ADARB2: variants seen among roughly 807,000 people sequenced by gnomAD.
ADARB2 encodes the protein adenosine deaminase RNA specific B2 (inactive).
ADARB2 carries 25 observed loss-of-function variants against 62.2 expected under a neutral mutation model. That is an observed-to-expected ratio of 0.40 (90% CI 0.29 to 0.56). The LOEUF is 0.56. Among genes scored for constraint, ADARB2 ranks in the 20% least tolerant of loss-of-function variants. ADARB2 has a pLI of 0.43. For synonymous variants in ADARB2, 572 were observed against 500.8 expected (o/e 1.14, Z -1.90); for missense variants, 1,071 against 1,077.4 (o/e 0.99, Z 0.08).
chr10:1,628,244 G>C (rs1263325988), intron 1 of ADARB2, among the ~76,000 whole-genome samples: 1 of 152,210 alleles, frequency 6.6e-6, no homozygotes, highest in South Asian at 2.1e-4. Context: ...AGGAGCGAGG[G>C]GGCCTCATCA....
intron 3 of ADARB2, among the ~76,000 whole-genome samples, chr10:1,273,620 G>A (rs890394312): frequency 6.6e-6 from 1 of 152,202 alleles, no homozygotes; most frequent in East Asian, 1.9e-4. Context: ...GACCTTGCAC[G>A]CTGAGAGCTC....
At chr10:1,687,738 G>A (rs943122096) in intron 1 of ADARB2, among the ~76,000 whole-genome samples, 9 of 152,104 alleles carry the variant, frequency 5.9e-5, no homozygotes, top group South Asian at 2.1e-4. Flanking sequence ...CAGCTCAGCC[G>A]TGAATTGTGA....
At chr10:1,657,491 C>G (rs1042157215) in intron 1 of ADARB2, among the ~76,000 whole-genome samples, 2 of 152,216 alleles carry the variant, frequency 1.3e-5, no homozygotes, top group African/African-American at 2.4e-5. Context: ...TTCCTCCTCT[C>G]TTGGCCTCAG....
chr10:1,684,201 G>A (rs1358472291), intron 1 of ADARB2, among the ~76,000 whole-genome samples: 2 of 152,166 alleles, frequency 1.3e-5, no homozygotes, highest in African/African-American at 4.8e-5. Flanking sequence ...TGAAATCCAT[G>A]ACAGAAAAAC....
chr10:1,465,811 C>T (rs1831247786), intron 1 of ADARB2, among the ~76,000 whole-genome samples: 2 of 152,224 alleles, frequency 1.3e-5, no homozygotes, highest in Admixed American at 6.5e-5. Context: ...TGGTGTGGGG[C>T]CCCCAGAGCT....
intron 1 of ADARB2, among the ~76,000 whole-genome samples, chr10:1,691,651 T>C (rs1007675595): frequency 6.6e-6 from 1 of 152,200 alleles, no homozygotes; most frequent in African/African-American, 2.4e-5. Context: ...CTTTTCCTTT[T>C]CACTGTGGCT....
At chr10:1,638,914 A>G (rs1225546932) in intron 1 of ADARB2, among the ~76,000 whole-genome samples, 1 of 152,216 alleles carries the variant, frequency 6.6e-6, no homozygotes, top group Non-Finnish European at 1.5e-5. Flanking sequence ...CAAGTCACAC[A>G]GGTCTTTTTC....
intron 7 of ADARB2, among the ~76,000 whole-genome samples, chr10:1,204,580 C>A (rs1214965605): frequency 6.6e-6 from 1 of 152,256 alleles, no homozygotes; most frequent in African/African-American, 2.4e-5. Context: ...CCACCTGCAC[C>A]TTCTGTCGCG....
chr10:1,443,719 G>C (rs951385198), intron 1 of ADARB2, among the ~76,000 whole-genome samples: 1 of 152,060 alleles, frequency 6.6e-6, no homozygotes, highest in Non-Finnish European at 1.5e-5. Context: ...AGAATAAAAG[G>C]TTCAAGAGTA....
chr10:1,669,689 G>GAC lies in ADARB2; in HGVS notation c.100+67360_100+67361dup, dbSNP rs1366668893. On this transcript the variant is annotated intron_variant, in intron 1 of 9. Transcript: ENST00000381312. ...ACACAAACACACACAGACACATGCAGACACACACACCCACAGGGAGACACA... is the reference window on the plus strand; with the variant it reads ...ACACAAACACACACAGACACATGCAGACACACACACACCCACAGGGAGACACA... Among the ~76,000 whole-genome samples the GAC allele has an allele frequency of 3.4e-3, 480 of 141,102 alleles. 3 individuals are homozygous for GAC. Among genetic ancestry groups the GAC allele is most frequent in the African/African-American group, 0.012 (453 of 37,646 alleles). The allele number at this position is 141,102 out of a possible 152,430, so 92.6% of individuals were successfully genotyped here. A position where few individuals can be genotyped will look rare whatever the true frequency, so the allele number is the denominator to read the frequency against.
chr10:1,233,636 C>A lies in ADARB2; in HGVS notation c.1513+58G>T, dbSNP rs1165725287. ...GGCTGTGAAAGCCCAGGACAGAGTCCCAGATAGAGGGAGCTGGGGGCTGTT... is the reference window on the plus strand; with the variant it reads ...GGCTGTGAAAGCCCAGGACAGAGTCACAGATAGAGGGAGCTGGGGGCTGTT... On this transcript the variant is annotated intron_variant, in intron 6 of 9. Coordinates refer to ENST00000381312, the MANE Select transcript of ADARB2 (RefSeq NM_018702.4). 3.9e-6 allele frequency: 6 copies of A among 1,545,726 alleles called. No individual in the cohort carries two copies. The South Asian group carries it at 5.0e-5, about 13-fold the overall frequency.
At position 1,383,941 on chromosome 10, in the gene ADARB2, A is replaced by G. The variant is rs181987929; in HGVS notation, c.101-4781T>C. 3.3e-4 allele frequency among the ~76,000 whole-genome samples: 51 copies of G among 152,320 alleles called. 1 individual carries two copies. Among genetic ancestry groups the G allele is most frequent in the South Asian group, 1.0e-3 (5 of 4,814 alleles). ...TCTTCCTTGCCTTTGCCTTTGTTAAATTTTATTGAACCTTCTATGTTTCAT... is the reference window on the plus strand; with the variant it reads ...TCTTCCTTGCCTTTGCCTTTGTTAAGTTTTATTGAACCTTCTATGTTTCAT... On this transcript the variant is annotated intron_variant, in intron 1 of 9. Coordinates refer to ENST00000381312, the MANE Select transcript of ADARB2 (RefSeq NM_018702.4).
chr10:1,255,908 G>GC lies in ADARB2; in HGVS notation c.1193-13610dup, dbSNP rs138250443. Among the ~76,000 whole-genome samples the GC allele has an allele frequency of 0.033, 5,009 of 152,316 alleles. 298 individuals carry two copies. The highest frequency in any genetic ancestry group is 0.11 in the African/African-American group (4,721 of 41,548). On this transcript the variant is annotated intron_variant, in intron 4 of 9. Transcript: ENST00000381312. This position sits in a 1 kb window ranked among gnomAD's most constrained non-coding sequence, Gnocchi z 4.7. The stretch of plus-strand genomic sequence containing the variant: ...CAAGCACATTGACAACCACATGTCA[G>GC]CCCTGGGAGCTAACGGTGTTTACAT...
intron 3 of ADARB2, among the ~76,000 whole-genome samples, chr10:1,337,694 G>C (rs1831987233): frequency 6.6e-6 from 1 of 151,790 alleles, no homozygotes; most frequent in African/African-American, 2.4e-5. Flanking sequence ...TAAAATTTCT[G>C]ATACCCATTG....
At chr10:1,203,512 T>G (rs1418406651) in intron 7 of ADARB2, among the ~76,000 whole-genome samples, 1 of 152,222 alleles carries the variant, frequency 6.6e-6, no homozygotes, top group Non-Finnish European at 1.5e-5. Flanking sequence ...AGTCCTCAGC[T>G]GCCACCCGTC....
chr10:1,388,578 G>A (rs1400194988), intron 1 of ADARB2, among the ~76,000 whole-genome samples: 2 of 151,812 alleles, frequency 1.3e-5, no homozygotes, highest in Admixed American at 6.6e-5. Context: ...TACCAGTAAT[G>A]AAAAAGTGGA....
intron 1 of ADARB2, among the ~76,000 whole-genome samples, chr10:1,601,399 G>A (rs1356804296): frequency 1.3e-5 from 2 of 152,196 alleles, no homozygotes; most frequent in Non-Finnish European, 2.9e-5. Context: ...CCTTCTCACA[G>A]TAAACGGTTT....
At chr10:1,539,487 C>T (rs936623214) in intron 1 of ADARB2, among the ~76,000 whole-genome samples, 12 of 152,180 alleles carry the variant, frequency 7.9e-5, no homozygotes, top group Non-Finnish European at 1.3e-4. Flanking sequence ...GTAACCTCTC[C>T]GGGACTAGGC....
chr10:1,225,558 C>G (rs1830737545), intron 6 of ADARB2, among the ~76,000 whole-genome samples: 1 of 152,138 alleles, frequency 6.6e-6, no homozygotes, highest in Admixed American at 6.5e-5. Context: ...ACCGGTTGTT[C>G]CTTTCCATGT....
Sources: allele counts gnomAD v4.1 joint callset (sites outside exome capture counted in the v4.1 genomes callset), GRCh38; gene constraint gnomAD v4.1.1; non-coding constraint Gnocchi (gnomAD v3.1); transcripts MANE v1.5; gene names NCBI Gene and HGNC (gene_info 2026-07-23, HGNC 2026-07-21).